RASAL2: variants seen among roughly 807,000 people sequenced by gnomAD.
RASAL2 encodes ras GTPase-activating protein nGAP.
A neutral mutation model predicts 128.9 loss-of-function variants in RASAL2; 58 were observed. That is an observed-to-expected ratio of 0.45 (90% CI 0.36 to 0.56). The LOEUF is 0.56. Among genes scored for constraint, RASAL2 ranks in the 20% least tolerant of loss-of-function variants. The pLI, the probability that RASAL2 is intolerant of heterozygous loss-of-function variation, is 0.00. For synonymous variants in RASAL2, 561 were observed against 580.8 expected, an observed-to-expected ratio of 0.97 and a Z score of 0.49; for missense variants, 1,360 against 1,601.6, an observed-to-expected ratio of 0.85 and a Z score of 2.57.
intron 1 of RASAL2, among the ~76,000 whole-genome samples, chr1:178,101,000 G>A (rs534929957): frequency 1.5e-4 from 23 of 152,306 alleles, no homozygotes; most frequent in African/African-American, 4.1e-4. Context: ...GCTGTCTGAT[G>A]TTTGTAAAAA....
At chr1:178,142,382 C>G (rs973748525) in intron 1 of RASAL2, among the ~76,000 whole-genome samples, 2 of 152,090 alleles carry the variant, frequency 1.3e-5, no homozygotes, top group Non-Finnish European at 2.9e-5. Flanking sequence ...CTCTTGGGGA[C>G]AGGTTCCCTG....
chr1:178,144,713 T>G (rs1660660017), intron 1 of RASAL2, among the ~76,000 whole-genome samples: 1 of 152,240 alleles, frequency 6.6e-6, no homozygotes, highest in Non-Finnish European at 1.5e-5. Context: ...AATATGACTT[T>G]GGAATAATGC....
At chr1:178,418,456 T>C (rs148722131) in intron 4 of RASAL2, among the ~76,000 whole-genome samples, 77 of 152,282 alleles carry the variant, frequency 5.1e-4, no homozygotes, top group African/African-American at 1.4e-3. Flanking sequence ...TCTACATACC[T>C]ATAATAAGCT....
intron 1 of RASAL2, among the ~76,000 whole-genome samples, chr1:178,282,815 T>C (rs747210241): frequency 3.3e-5 from 5 of 152,178 alleles, no homozygotes; most frequent in South Asian, 2.1e-4. Context: ...TGTGTACTTA[T>C]AAATTAAAAT....
At chr1:178,262,656 A>G (rs529019564) in intron 1 of RASAL2, among the ~76,000 whole-genome samples, 1 of 152,312 alleles carries the variant, frequency 6.6e-6, no homozygotes, top group South Asian at 2.1e-4. Flanking sequence ...AAGAAGATCA[A>G]TTACTCCTCT....
chr1:178,302,850 G>C lies in RASAL2; in HGVS notation c.457+2732G>C, dbSNP rs1391020488. On this transcript the variant is annotated intron_variant, in intron 3 of 17. Coordinates refer to ENST00000367649, the MANE Select transcript of RASAL2 (RefSeq NM_170692.4). Reference sequence around the variant, plus strand: ...AGGTCAGGAGTTCAAGACCAGCCTGGTCAATATGGTGAAACCCTGTCTCGA... The same window carrying C: ...AGGTCAGGAGTTCAAGACCAGCCTGCTCAATATGGTGAAACCCTGTCTCGA... 2.0e-5 allele frequency among the ~76,000 whole-genome samples: 3 copies of C among 152,202 alleles called. No individual in the cohort carries two copies. The East Asian group carries it at 5.8e-4, about 29-fold the overall frequency.
At chr1:178,391,642 T>C (rs575078572) in intron 4 of RASAL2, among the ~76,000 whole-genome samples, 28 of 152,226 alleles carry the variant, frequency 1.8e-4, no homozygotes, top group Non-Finnish European at 2.5e-4. Context: ...AATATCACAG[T>C]GGACTCTTTG....
At chr1:178,430,413 A>G (rs957268135) in intron 5 of RASAL2, among the ~76,000 whole-genome samples, 1 of 152,102 alleles carries the variant, frequency 6.6e-6, no homozygotes, top group Non-Finnish European at 1.5e-5. Flanking sequence ...GCTTTATCTT[A>G]ATAGAAAAAA....
intron 1 of RASAL2, among the ~76,000 whole-genome samples, chr1:178,248,345 A>G (rs1354060485): frequency 1.3e-5 from 2 of 151,562 alleles, no homozygotes; most frequent in Admixed American, 1.3e-4. Flanking sequence ...GTCTTTTTTG[A>G]TCTTTGTTGG....
rs567756196 is a variant in RASAL2 at position 178,258,677 on chromosome 1, G to A, written c.203-24887G>A. ...TACATTGCTGACATAAAATCGTGTA[G>A]CTGCTTTGAAAGACTGCCTGGCAGT... On this transcript the variant is annotated intron_variant, in intron 1 of 17. Transcript: ENST00000367649. 3.9e-5 allele frequency among the ~76,000 whole-genome samples: 6 copies of A among 152,288 alleles called. No individual in the cohort carries two copies. In the South Asian group the frequency reaches 1.0e-3, roughly 26 times the overall value.
chr1:178,237,710 A>C (rs1406362444), intron 1 of RASAL2, among the ~76,000 whole-genome samples: 1 of 152,202 alleles, frequency 6.6e-6, no homozygotes, highest in African/African-American at 2.4e-5. Context: ...TTACTTTTTT[A>C]TTGTGATAGC....
chr1:178,300,260 T>C, intron 3 of RASAL2, 142 bp downstream of exon 3: 2 of 993,726 alleles, frequency 2.0e-6, no homozygotes, highest in Admixed American at 6.0e-5. Context: ...GAGTTAGAGG[T>C]CATTAGAGAG....
chr1:178,192,912 G>T (rs921001756), intron 1 of RASAL2, among the ~76,000 whole-genome samples: 3 of 152,008 alleles, frequency 2.0e-5, no homozygotes, highest in African/African-American at 7.3e-5. Context: ...TTACTTCTTG[G>T]GTATGTGCAC....
chr1:178,441,462 A>G, intron 6 of RASAL2, 87 bp from the exon 7 acceptor site: 1 of 860,326 alleles, frequency 1.2e-6, no homozygotes, highest in Non-Finnish European at 1.9e-6. Context: ...CTTATCATTT[A>G]AGAGTTAGAG....
At chr1:178,330,025 A>G (rs1175540413) in intron 3 of RASAL2, among the ~76,000 whole-genome samples, 3 of 152,104 alleles carry the variant, frequency 2.0e-5, no homozygotes, top group Admixed American at 1.3e-4. Context: ...CATTCAGTAA[A>G]TTTTGGTTAA....
At chr1:178,222,451 A>G (rs1663646475) in intron 1 of RASAL2, among the ~76,000 whole-genome samples, 1 of 152,016 alleles carries the variant, frequency 6.6e-6, no homozygotes, top group Non-Finnish European at 1.5e-5. Context: ...TTTGCAATAT[A>G]CATTTACGAT....
At chr1:178,095,755 T>G (rs1397848317) in intron 1 of RASAL2, among the ~76,000 whole-genome samples, 2 of 152,206 alleles carry the variant, frequency 1.3e-5, no homozygotes, top group African/African-American at 4.8e-5. Flanking sequence ...TTAATGTCCA[T>G]CGCAAAGATC....
At chr1:178,117,721 A>G (rs986710165) in intron 1 of RASAL2, among the ~76,000 whole-genome samples, 1 of 152,248 alleles carries the variant, frequency 6.6e-6, no homozygotes, top group African/African-American at 2.4e-5. Context: ...TGAAGCAGAA[A>G]GTGAACCTTC....
At chr1:178,123,546 C>T (rs1051566946) in intron 1 of RASAL2, among the ~76,000 whole-genome samples, 55 of 152,164 alleles carry the variant, frequency 3.6e-4, no homozygotes, top group African/African-American at 1.1e-3. Context: ...GCTACATGTT[C>T]AAACTTGCTT....
Sources: allele counts gnomAD v4.1 joint callset (sites outside exome capture counted in the v4.1 genomes callset), GRCh38; gene constraint gnomAD v4.1.1; transcripts MANE v1.5; gene names NCBI Gene and HGNC (gene_info 2026-07-23, HGNC 2026-07-21).